BDP1: variants seen among roughly 807,000 people sequenced by gnomAD.
BDP1 encodes transcription factor TFIIIB component B'' homolog.
BDP1 carries 169 observed loss-of-function variants against 266.6 expected under a neutral mutation model. The ratio of observed to expected loss-of-function variants is 0.63; its 90% CI spans 0.56 to 0.72. The LOEUF (loss-of-function observed/expected upper bound fraction) is 0.72, where lower values mean the gene tolerates loss of function less well. BDP1 is among the 30% of genes least tolerant of loss of function. The pLI, the probability that BDP1 is intolerant of heterozygous loss-of-function variation, is 0.00. For synonymous variants in BDP1, 1,090 were observed against 1,022.4 expected (o/e 1.07, Z -1.26); for missense variants, 3,015 against 3,053.8 (o/e 0.99, Z 0.30).
At position 71,486,516 on chromosome 5, in the gene BDP1, G is replaced by T; in HGVS notation, c.1102G>T (p.Ala368Ser). The stretch of plus-strand genomic sequence containing the variant: ...GCGCCCTTTTGACTTCGATTTTTTT[G>T]CTCATTTGCTTCAGAAAGTTCTTGC... ...EKRPFDFDFF[A>S]HLLQKVLAEE... The change falls in exon 9 of 39, where the codon GCT becomes TCT. Residue 368 changes from alanine to serine, a missense_variant. Ala to Ser is a moderately conservative substitution (Grantham distance 99). Around this residue, in one of 3 missense-constraint regions of BDP1, gnomAD observed 2,383 missense variants for 2,404.9 expected, o/e 0.99. Transcript: ENST00000358731. 1.3e-6 allele frequency: 2 copies of T among 1,539,898 alleles called. No individual in the cohort carries two copies. Among genetic ancestry groups the T allele is most frequent in the South Asian group, 1.3e-5 (1 of 77,316 alleles).
intron 12 of BDP1, 73 bp from the exon 13 acceptor site, chr5:71,497,197 A>G (rs185696984): frequency 1.5e-6 from 2 of 1,370,994 alleles, no homozygotes; most frequent in African/African-American, 2.9e-5. Flanking sequence ...CCTAATTCTC[A>G]GTAGGTTATT....
At chr5:71,467,293 T>G in intron 5 of BDP1, 61 bp from the exon 6 acceptor site, 1 of 1,341,060 alleles carries the variant, frequency 7.5e-7, no homozygotes, top group East Asian at 2.3e-5. Flanking sequence ...TATTTACATC[T>G]CATTTGCTAT....
rs753028539 is a variant in BDP1, at chr5:71,509,861, G to A, written c.2769G>A (p.Glu923=). The A allele has an allele frequency of 4.3e-6, 7 of 1,614,104 alleles. No homozygotes were observed. In the South Asian group the frequency reaches 7.7e-5, roughly 18 times the overall value. ...CGCCAGAGGTGATTGATGCCACTGA[G>A]GAAATAGACAAAGATTTGGAAGAAG... is the stretch of plus-strand genomic sequence containing the variant. The part of the protein sequence containing the change: ...EKTPEVIDAT[E]EIDKDLEEAG... The change falls in exon 17 of 39, where the codon GAG becomes GAA. Residue 923 remains glutamate, a synonymous_variant. Coordinates refer to ENST00000358731, the MANE Select transcript of BDP1 (RefSeq NM_018429.3).
intron 34 of BDP1, among the ~76,000 whole-genome samples, chr5:71,551,816 G>T (rs1742789048): frequency 6.6e-6 from 1 of 151,422 alleles, no homozygotes; most frequent in Non-Finnish European, 1.5e-5. Context: ...TGGCTGGCCG[G>T]GCAGAGGGGC....
rs2112142829 is a variant in BDP1 at position 71,565,376 on chromosome 5, A to C, written c.*491A>C. ...TGTATCACATAATGAAGTTTAAGTC[A>C]ATGATGGACCACATATATTACAGTG... On this transcript the variant is annotated 3_prime_UTR_variant, in exon 39 of 39. Transcript: ENST00000358731. The C allele has an allele frequency of 6.5e-6, 1 of 153,086 alleles. No individual in the cohort carries two copies. The highest frequency in any genetic ancestry group is 2.1e-4 in the South Asian group (1 of 4,864). The allele number at this position is 153,086 out of a possible 1,614,324, so 9.5% of individuals were successfully genotyped here. A position where few individuals can be genotyped will look rare whatever the true frequency, so the allele number is the denominator to read the frequency against.
Position 71,509,745 on chromosome 5 carries a change from A to G in BDP1, c.2653A>G (p.Arg885Gly), listed in dbSNP as rs753923620. 2.5e-6 allele frequency: 4 copies of G among 1,614,028 alleles called. No individual in the cohort carries two copies. The Admixed American group carries it at 6.7e-5, about 27-fold the overall frequency. ...KETGRRAISP[R>G]EKILDVIDDT... ...AACTGGAAGAAGAGCCATTTCTCCC[A>G]GGGAGAAGATTCTAGATGTGATTGA... is the stretch of plus-strand genomic sequence containing the variant. Residue 885 changes from arginine to glycine, a missense_variant, in exon 17 of 39, where the codon AGG (arginine) becomes GGG (glycine). By Grantham distance (125) the Arg-to-Gly change is moderately radical. Around this residue, in one of 3 missense-constraint regions of BDP1, gnomAD observed 2,383 missense variants for 2,404.9 expected, o/e 0.99. Transcript: ENST00000358731.
chr5:71,472,754 G>A (rs1266861693), intron 7 of BDP1, among the ~76,000 whole-genome samples: 1 of 152,042 alleles, frequency 6.6e-6, no homozygotes, highest in East Asian at 1.9e-4. Flanking sequence ...ATTTGTTGAA[G>A]ATCAGTATTA....
rs758488452 is a variant in BDP1, at chr5:71,458,057, A to G, written c.213-522A>G. Among the ~76,000 whole-genome samples the G allele has an allele frequency of 7.8e-4, 119 of 152,302 alleles. 1 individual carries two copies. The highest frequency in any genetic ancestry group is 1.4e-3 in the Non-Finnish European group (94 of 68,022). On this transcript the variant is annotated intron_variant, in intron 1 of 38. Transcript: ENST00000358731. ...AAAGGGAATTGGGTTTGGCTACTGT[A>G]ACTAAATGTTTTTCTTCAAATACTG... is the stretch of plus-strand genomic sequence containing the variant.
chr5:71,481,309 G>A lies in BDP1; in HGVS notation c.1015-2533G>A, dbSNP rs185619189. 2.9e-4 allele frequency among the ~76,000 whole-genome samples: 43 copies of A among 149,790 alleles called. 1 individual carries two copies. The East Asian group carries it at 7.6e-3, about 27-fold the overall frequency. Reference sequence around the variant, plus strand: ...TTCACACCTCTAATCCTAGTATTTTGGGAGGCTGAGACGGGAGGATTGCTT... The same window carrying A: ...TTCACACCTCTAATCCTAGTATTTTAGGAGGCTGAGACGGGAGGATTGCTT... On this transcript the variant is annotated intron_variant, in intron 7 of 38. Coordinates refer to ENST00000358731, the MANE Select transcript of BDP1 (RefSeq NM_018429.3).
rs73775118 is a variant in BDP1, at chr5:71,510,456, G to C, written c.3364G>C (p.Gly1122Arg). 8.3e-5 allele frequency: 134 copies of C among 1,613,498 alleles called. 1 individual carries two copies. The African/African-American group carries it at 1.6e-3, about 20-fold the overall frequency. ...AATGCAAACAGATTTGAAAGCAACC[G>C]GAAGGGAGATTTCCCCAAGGGAGAA... is the stretch of plus-strand genomic sequence containing the variant. ...GEMQTDLKAT[G>R]REISPREKTP... The change falls in exon 17 of 39, where the codon GGA becomes CGA. Residue 1122 changes from glycine (G) to arginine (R), a missense_variant. Coordinates refer to ENST00000358731, the MANE Select transcript of BDP1 (RefSeq NM_018429.3).
rs373459414 is a variant in BDP1, at chr5:71,510,285, A to C, written c.3193A>C (p.Lys1065Gln). The change falls in exon 17 of 39, where the codon AAA becomes CAA. Residue 1065 changes from lysine (K) to glutamine (Q), a missense_variant. Physicochemically the swap from Lys to Gln is moderately conservative, Grantham distance 53. Transcript: ENST00000358731. Reference sequence around the variant, plus strand: ...TCTAGGTGAAATGGAGACGGATTTGAAAGCAACTGGAAGAGACAGTTTCCC... The same window carrying C: ...TCTAGGTGAAATGGAGACGGATTTGCAAGCAACTGGAAGAGACAGTTTCCC... The part of the protein sequence containing the change: ...KPLGEMETDL[K>Q]ATGRDSFPRG... 2.5e-6 allele frequency: 4 copies of C among 1,613,820 alleles called. No individual in the cohort carries two copies. Among genetic ancestry groups the C allele is most frequent in the Non-Finnish European group, 3.4e-6 (4 of 1,179,980 alleles).
Position 71,545,145 on chromosome 5 carries a change from G to C in BDP1, c.6670G>C (p.Gly2224Arg), listed in dbSNP as rs1370752468. 1 of 1,613,584 alleles carries C rather than the reference G, an allele frequency of 6.2e-7. No homozygotes were observed. Among genetic ancestry groups the C allele is most frequent in the Non-Finnish European group, 8.5e-7 (1 of 1,179,906 alleles). Residue 2224 changes from glycine to arginine, a missense_variant, in exon 32 of 39, where the codon GGT becomes CGT. By Grantham distance (125) the Gly-to-Arg change is moderately radical (BLOSUM62 -2). Coordinates refer to ENST00000358731, the MANE Select transcript of BDP1 (RefSeq NM_018429.3). ...PCTLGLDRGL[G>R]ENSVEEPQIK... ...CACACTTGGTTTGGATAGGGGTCTT[G>C]GTGAAAATTCTGTTGAAGAGCCCCA...
chr5:71,574,096 A>G, the BDP1 span, among the ~76,000 whole-genome samples: 1 of 152,244 alleles, frequency 6.6e-6, no homozygotes, highest in African/African-American at 2.4e-5. Flanking sequence ...TCATCGATCT[A>G]CAATGTCAGT....
chr5:71,497,026 AT>A (rs1301925294), intron 12 of BDP1, among the ~76,000 whole-genome samples: 2 of 152,144 alleles, frequency 1.3e-5, no homozygotes, highest in Non-Finnish European at 2.9e-5. Context: ...TATTTTCTGG[AT>A]TTTAAATTTG....
chr5:71,476,564 A>T (rs569247750), intron 7 of BDP1, among the ~76,000 whole-genome samples: 1 of 150,554 alleles, frequency 6.6e-6, no homozygotes, highest in Non-Finnish European at 1.5e-5. Flanking sequence ...TTTTTTAGAC[A>T]GAGTCTCGCT....
chr5:71,541,719 A>G (rs775292500), intron 29 of BDP1, 37 bp downstream of exon 29: 15 of 1,285,096 alleles, frequency 1.2e-5, no homozygotes, highest in Non-Finnish European at 1.4e-5. Context: ...TATTACTAAA[A>G]CCACCATCAA....
chr5:71,477,584 T>G (rs1161435601), intron 7 of BDP1, among the ~76,000 whole-genome samples: 1 of 151,826 alleles, frequency 6.6e-6, no homozygotes. Context: ...TTAAAAATTT[T>G]TTTTAAACAC....
At chr5:71,561,130 G>A (rs180927484) in intron 37 of BDP1, among the ~76,000 whole-genome samples, 4 of 150,566 alleles carry the variant, frequency 2.7e-5, no homozygotes, top group East Asian at 4.0e-4. Context: ...GGCTGGGTGC[G>A]GTGGCTCATG....
At chr5:71,531,041 C>T (rs1400210402) in intron 25 of BDP1, among the ~76,000 whole-genome samples, 2 of 151,922 alleles carry the variant, frequency 1.3e-5, no homozygotes, top group Admixed American at 6.6e-5. Context: ...GCCACTGCAC[C>T]GCAGCTTGGG....
Sources: gnomAD v4.1 joint callset for allele counts (sites outside exome capture counted in the v4.1 genomes callset) on GRCh38, gnomAD v4.1.1 for gene constraint, gnomAD v4.1.1 regional missense constraint, MANE v1.5 for transcripts, NCBI Gene and HGNC (gene_info 2026-07-23, HGNC 2026-07-21) for gene names.